Variants in CASZ1 observed in about 807,000 individuals in gnomAD.
CASZ1 encodes the protein castor zinc finger 1, also known as zinc finger protein castor homolog 1.
CASZ1 carries 28 observed loss-of-function variants against 135.2 expected under a neutral mutation model. The ratio of observed to expected loss-of-function variants is 0.21; its 90% CI spans 0.15 to 0.28. The LOEUF (loss-of-function observed/expected upper bound fraction) is 0.28. Among genes scored for constraint, CASZ1 ranks in the 10% least tolerant of loss-of-function variants. The probability of loss-of-function intolerance (pLI) is 1.00; values close to 1 mark genes in which losing one functional copy is unlikely to be tolerated. For missense variants in CASZ1, 2,161 were observed against 2,453.3 expected, an observed-to-expected ratio of 0.88 and a Z score of 2.52; for synonymous variants, 1,068 against 1,073.4, an observed-to-expected ratio of 0.99 and a Z score of 0.10.
At chr1:10,713,997 A>T (rs941575463) in intron 2 of CASZ1, among the ~76,000 whole-genome samples, 1 of 152,222 alleles carries the variant, frequency 6.6e-6, no homozygotes, top group Non-Finnish European at 1.5e-5. Flanking sequence ...TTTACAGATA[A>T]GAAAATGAAG....
chr1:10,787,619 CCTT>C (rs1167527543), intron 1 of CASZ1, among the ~76,000 whole-genome samples: 5 of 152,106 alleles, frequency 3.3e-5, no homozygotes, highest in African/African-American at 9.7e-5. Context: ...TTCCCCCACC[CCTT>C]CTTCTCATTT....
intron 11 of CASZ1, 143 bp downstream of exon 11, chr1:10,653,234 C>T (rs1642655389): frequency 1.1e-6 from 1 of 900,120 alleles, no homozygotes; most frequent in Non-Finnish European, 1.8e-6. Flanking sequence ...GGGCGAAGAT[C>T]AGGCAAAGAG....
At chr1:10,795,964 C>T (rs1473709527) in intron 1 of CASZ1, among the ~76,000 whole-genome samples, 1 of 151,262 alleles carries the variant, frequency 6.6e-6, no homozygotes, top group Non-Finnish European at 1.5e-5. Context: ...CCCACCCCTT[C>T]CCATGGGCAA....
intron 3 of CASZ1, among the ~76,000 whole-genome samples, chr1:10,702,399 G>A (rs970860089): frequency 2.0e-5 from 3 of 152,184 alleles, no homozygotes; most frequent in Admixed American, 6.5e-5. Context: ...CTCCTGAAGT[G>A]GCCACCATCA....
Position 10,755,616 on chromosome 1 carries a change from T to A in CASZ1, c.-77+5085A>T, listed in dbSNP as rs6700327. Among the ~76,000 whole-genome samples the A allele has an allele frequency of 1.3e-5, 2 of 151,738 alleles. No homozygotes were observed. Among genetic ancestry groups the A allele is most frequent in the East Asian group, 1.9e-4 (1 of 5,134 alleles). On this transcript the variant is annotated intron_variant, in intron 2 of 20. Coordinates refer to ENST00000377022, the MANE Select transcript of CASZ1 (RefSeq NM_001079843.3). The surrounding 1 kb of genome is among the most constrained non-coding windows in gnomAD (Gnocchi z 4.3). ...GGCCCGTGCATGGCGAGATGCGGGG[T>A]TTTCCTGCATCTGCTCCGAAGGCAG...
intron 20 of CASZ1, among the ~76,000 whole-genome samples, chr1:10,641,520 G>A (rs1642201400): frequency 1.3e-5 from 2 of 152,320 alleles, no homozygotes; most frequent in South Asian, 4.1e-4. Flanking sequence ...GCACTGCCGG[G>A]GCCTGAGTCC....
chr1:10,642,484 C>T (rs1303727948), intron 20 of CASZ1, among the ~76,000 whole-genome samples: 2 of 151,802 alleles, frequency 1.3e-5, no homozygotes, highest in African/African-American at 2.4e-5. Context: ...GAAGAAGGGG[C>T]AGGAGGAGAG....
Position 10,659,696 on chromosome 1 carries a change from C to G in CASZ1, c.1340+6G>C, listed in dbSNP as rs1642942555. 2 of 1,608,404 alleles carry G rather than the reference C, an allele frequency of 1.2e-6. No individual in the cohort carries two copies. Among genetic ancestry groups the G allele is most frequent in the African/African-American group, 1.3e-5 (1 of 74,772 alleles). On this transcript the variant is annotated splice_donor_region_variant and intron_variant, in intron 6 of 20. Coordinates refer to ENST00000377022, the MANE Select transcript of CASZ1 (RefSeq NM_001079843.3). Reference sequence around the variant, plus strand: ...TCTGGGCATTGTGGGGTGGGGAGCGCCTTACTTGACAGTGGAGACGGTCCC... The same window carrying G: ...TCTGGGCATTGTGGGGTGGGGAGCGGCTTACTTGACAGTGGAGACGGTCCC...
chr1:10,687,412 G>A (rs2100385055), intron 4 of CASZ1, among the ~76,000 whole-genome samples: 1 of 152,340 alleles, frequency 6.6e-6, no homozygotes, highest in Non-Finnish European at 1.5e-5. Flanking sequence ...GGGCCCAGAA[G>A]GGCCAGAGGA....
At chr1:10,779,176 C>T (rs1009824159) in intron 1 of CASZ1, among the ~76,000 whole-genome samples, 1 of 152,096 alleles carries the variant, frequency 6.6e-6, no homozygotes, top group Admixed American at 6.6e-5. Flanking sequence ...TGTCTCCCCC[C>T]CAGCCCCACC....
chr1:10,683,768 C>T (rs1328426020), intron 4 of CASZ1, among the ~76,000 whole-genome samples: 2 of 152,170 alleles, frequency 1.3e-5, no homozygotes, highest in Non-Finnish European at 2.9e-5. Context: ...TCCGGGATGC[C>T]TCTAGAAAAG....
intron 1 of CASZ1, among the ~76,000 whole-genome samples, chr1:10,792,941 A>G (rs1396252157): frequency 6.6e-6 from 1 of 152,148 alleles, no homozygotes; most frequent in Non-Finnish European, 1.5e-5. Flanking sequence ...ATTTTCCTAA[A>G]ACAGATGGTC....
intron 20 of CASZ1, among the ~76,000 whole-genome samples, chr1:10,640,445 C>T (rs1325444418): frequency 1.3e-5 from 2 of 152,216 alleles, no homozygotes; most frequent in African/African-American, 2.4e-5. Flanking sequence ...AAGTTGGACT[C>T]GGGCCAAGAC....
rs1259764184 is a variant in CASZ1, at chr1:10,726,139, T to C, written c.-76-20595A>G. Among the ~76,000 whole-genome samples, 1 of 152,216 alleles carries C rather than the reference T, an allele frequency of 6.6e-6. No homozygotes were observed. Among genetic ancestry groups the C allele is most frequent in the Non-Finnish European group, 1.5e-5 (1 of 68,044 alleles). Reference sequence around the variant, plus strand: ...CCAGTACTACTACTACTGCTGCTACTACCACCAGCATGACCATTAATTGTT... The same window carrying C: ...CCAGTACTACTACTACTGCTGCTACCACCACCAGCATGACCATTAATTGTT... On this transcript the variant is annotated intron_variant, in intron 2 of 20. Transcript: ENST00000377022. This position sits in a 1 kb window ranked among gnomAD's most constrained non-coding sequence, Gnocchi z 5.7.
chr1:10,732,742 G>A (rs1224885666), intron 2 of CASZ1, among the ~76,000 whole-genome samples: 3 of 152,212 alleles, frequency 2.0e-5, no homozygotes, highest in Non-Finnish European at 2.9e-5. Context: ...GGCTCCCATG[G>A]TGGCAGCAGC....
In CASZ1 at chr1:10,639,652, A is replaced by T; in HGVS notation, c.4570T>A (p.Cys1524Ser). The T allele has an allele frequency of 6.2e-7, 1 of 1,605,672 alleles. No individual in the cohort carries two copies. Among genetic ancestry groups the T allele is most frequent in the African/African-American group, 1.3e-5 (1 of 75,012 alleles). Residue 1524 changes from cysteine (C) to serine (S), a missense_variant, in exon 21 of 21, where the codon TGC becomes AGC. Physicochemically the swap from Cys to Ser is moderately radical, Grantham distance 112. Coordinates refer to ENST00000377022, the MANE Select transcript of CASZ1 (RefSeq NM_001079843.3). The surrounding 1 kb of genome is among the most constrained non-coding windows in gnomAD (Gnocchi z 4.0). ...GCCGTGACCTTGGTGCTGTCGGTGCAGCGGAAGCGGCAGCGCAGGCAGTGG... is the reference window on the plus strand; with the variant it reads ...GCCGTGACCTTGGTGCTGTCGGTGCTGCGGAAGCGGCAGCGCAGGCAGTGG... Reference protein sequence around the residue: ...HFHCLRCRFRCTDSTKVTAHR... With the variant: ...HFHCLRCRFRSTDSTKVTAHR...
At position 10,679,877 on chromosome 1, in the gene CASZ1, C is replaced by T. The variant is rs113404668; in HGVS notation, c.16+13997G>A. On this transcript the variant is annotated intron_variant, in intron 4 of 20. Coordinates refer to ENST00000377022, the MANE Select transcript of CASZ1 (RefSeq NM_001079843.3). This position sits in a 1 kb window ranked among gnomAD's most constrained non-coding sequence, Gnocchi z 4.7. ...CAGGGGCAGCAGGCCAAGTCCCAGCCCTGGGACTCCCCTCCCCTACCCTTC... is the reference window on the plus strand; with the variant it reads ...CAGGGGCAGCAGGCCAAGTCCCAGCTCTGGGACTCCCCTCCCCTACCCTTC... Among the ~76,000 whole-genome samples, 467 of 152,308 alleles carry T rather than the reference C, an allele frequency of 3.1e-3. 5 individuals are homozygous for T. The highest frequency in any genetic ancestry group is 0.011 in the African/African-American group (442 of 41,566).
rs766902658 is a variant in CASZ1 at position 10,650,975 on chromosome 1, C to T, written c.2782G>A (p.Asp928Asn). ...GAPGPHEASQ[D>N]RSLDLTVKEP... ...TTCACAGTCAGGTCTAGACTGCGGTCCTGGGAGGCTTCGTGGGGGCCTGGG... is the reference window on the plus strand; with the variant it reads ...TTCACAGTCAGGTCTAGACTGCGGTTCTGGGAGGCTTCGTGGGGGCCTGGG... Residue 928 changes from aspartate to asparagine, a missense_variant, in exon 12 of 21, where the codon GAC becomes AAC. Transcript: ENST00000377022. 6.3e-7 allele frequency: 1 copy of T among 1,583,954 alleles called. No homozygotes were observed. Among genetic ancestry groups the T allele is most frequent in the South Asian group, 1.2e-5 (1 of 85,652 alleles).
intron 4 of CASZ1, among the ~76,000 whole-genome samples, chr1:10,680,728 C>T (rs1439301023): frequency 6.6e-6 from 1 of 152,178 alleles, no homozygotes; most frequent in Non-Finnish European, 1.5e-5. Flanking sequence ...CTCTCCAGTT[C>T]CTCCATGCAG....
Sources: allele counts gnomAD v4.1 joint callset (sites outside exome capture counted in the v4.1 genomes callset), GRCh38; gene constraint gnomAD v4.1.1; non-coding constraint Gnocchi (gnomAD v3.1); transcripts MANE v1.5; gene names NCBI Gene and HGNC (gene_info 2026-07-23, HGNC 2026-07-21).